The following MGMT variants were observed in gnomAD, a reference collection of about 807,000 sequenced individuals.
MGMT encodes methylated-DNA--protein-cysteine methyltransferase.
In MGMT, 14 loss-of-function variants were observed where a neutral mutation model predicts 15.9. The observed-to-expected ratio is 0.88, with a 90% CI of 0.58 to 1.37. The LOEUF is 1.37. Among genes scored for constraint, MGMT ranks in the 40% most tolerant of loss-of-function variants. The pLI is 0.00. For missense variants in MGMT, 282 were observed against 268.1 expected (o/e 1.05, Z -0.36); for synonymous variants, 130 against 118.2 (o/e 1.10, Z -0.65).
intron 1 of MGMT, among the ~76,000 whole-genome samples, chr10:129,516,211 T>C (rs558922095): frequency 6.6e-6 from 1 of 152,366 alleles, no homozygotes; most frequent in Non-Finnish European, 1.5e-5. Flanking sequence ...TTTCTGTCTT[T>C]GATGTCTGTA....
intron 2 of MGMT, among the ~76,000 whole-genome samples, chr10:129,644,373 G>A (rs1271033975): frequency 6.6e-6 from 1 of 152,252 alleles, no homozygotes; most frequent in African/African-American, 2.4e-5. Flanking sequence ...AGGGTGCTGG[G>A]TGGCCTCATG....
chr10:129,473,258 C>G (rs942372827), intron 1 of MGMT, among the ~76,000 whole-genome samples: 6 of 152,146 alleles, frequency 3.9e-5, no homozygotes, highest in Non-Finnish European at 7.4e-5. Context: ...TAAACTTGGT[C>G]AAAAATGGGA....
At chr10:129,604,194 G>A (rs574133901) in intron 2 of MGMT, among the ~76,000 whole-genome samples, 26 of 152,116 alleles carry the variant, frequency 1.7e-4, no homozygotes, top group Non-Finnish European at 3.2e-4. Flanking sequence ...TCTCTACGAC[G>A]CTCATCATCT....
At chr10:129,738,232 C>A (rs1848588346) in intron 3 of MGMT, among the ~76,000 whole-genome samples, 2 of 152,208 alleles carry the variant, frequency 1.3e-5, no homozygotes, top group Admixed American at 6.5e-5. Flanking sequence ...ACCCTCCAAG[C>A]CAGGTGCGGG....
At chr10:129,576,048 T>G (rs958053804) in intron 2 of MGMT, among the ~76,000 whole-genome samples, 5 of 152,134 alleles carry the variant, frequency 3.3e-5, no homozygotes, top group Non-Finnish European at 5.9e-5. Flanking sequence ...AATTAATAGC[T>G]TACCAACCAA....
chr10:129,537,297 C>CACA (rs1217287322), intron 2 of MGMT: 1 of 152,146 alleles, frequency 6.6e-6, no homozygotes, highest in African/African-American at 2.4e-5. Context: ...CCATAATGAG[C>CACA]ACAAGCGCAG....
intron 2 of MGMT, among the ~76,000 whole-genome samples, chr10:129,687,905 T>A (rs1046497363): frequency 6.6e-6 from 1 of 151,780 alleles, no homozygotes; most frequent in African/African-American, 2.4e-5. Flanking sequence ...TGTCCAAGTG[T>A]TCTCATTGTT....
chr10:129,672,380 A>T (rs897103480), intron 2 of MGMT, among the ~76,000 whole-genome samples: 1 of 152,194 alleles, frequency 6.6e-6, no homozygotes, highest in Non-Finnish European at 1.5e-5. Flanking sequence ...CTATAGCTCA[A>T]TGTCTTTCAA....
intron 3 of MGMT, among the ~76,000 whole-genome samples, chr10:129,723,934 T>A (rs1451635640): frequency 6.6e-6 from 1 of 152,188 alleles, no homozygotes; most frequent in Non-Finnish European, 1.5e-5. Flanking sequence ...GGTGTTAAAA[T>A]GTTGTAACCT....
intron 1 of MGMT, among the ~76,000 whole-genome samples, chr10:129,501,771 C>T (rs1029059481): frequency 3.9e-5 from 6 of 152,212 alleles, no homozygotes; most frequent in South Asian, 2.1e-4. Flanking sequence ...TGAAACAAAG[C>T]CTGAATTGAG....
chr10:129,659,204 A>T lies in MGMT; in HGVS notation c.126-48691A>T, dbSNP rs1180195437. ...AAACCCCATCTCTACTAAAAATACA[A>T]AACTTACCTGGGCATGGTGGTGCAC... On this transcript the variant is annotated intron_variant, in intron 2 of 4. Transcript: ENST00000651593. The surrounding 1 kb of genome is among the most constrained non-coding windows in gnomAD (Gnocchi z 4.1). 1.3e-5 allele frequency among the ~76,000 whole-genome samples: 2 copies of T among 152,034 alleles called. No homozygotes were observed. The highest frequency in any genetic ancestry group is 4.8e-5 in the African/African-American group (2 of 41,362).
At chr10:129,673,858 A>C (rs371525621) in intron 2 of MGMT, among the ~76,000 whole-genome samples, 1 of 152,208 alleles carries the variant, frequency 6.6e-6, no homozygotes. Flanking sequence ...GTGCGAAAAA[A>C]GTCTGCCTTT....
chr10:129,537,615 G>GAAAAC (rs923152557), intron 2 of MGMT, among the ~76,000 whole-genome samples: 3 of 152,032 alleles, frequency 2.0e-5, no homozygotes, highest in African/African-American at 4.8e-5. Flanking sequence ...GAAGAAAAAG[G>GAAAAC]AAAACAAAAC....
chr10:129,739,657 C>T (rs762126569), intron 3 of MGMT, among the ~76,000 whole-genome samples: 1 of 152,072 alleles, frequency 6.6e-6, no homozygotes, highest in Non-Finnish European at 1.5e-5. Context: ...AGAACCAGGT[C>T]AGAACCCCTA....
chr10:129,678,065 T>C (rs1455113262), intron 2 of MGMT, among the ~76,000 whole-genome samples: 2 of 151,918 alleles, frequency 1.3e-5, no homozygotes, highest in Non-Finnish European at 2.9e-5. Context: ...TTCATCATTG[T>C]CCAGAAACGC....
intron 2 of MGMT, among the ~76,000 whole-genome samples, chr10:129,679,674 T>G (rs1847825943): frequency 6.6e-6 from 1 of 152,202 alleles, no homozygotes; most frequent in African/African-American, 2.4e-5. Flanking sequence ...GCTCTACTTT[T>G]ATCCTTTAAT....
At chr10:129,491,133 T>A (rs1336598051) in intron 1 of MGMT, among the ~76,000 whole-genome samples, 4 of 152,110 alleles carry the variant, frequency 2.6e-5, no homozygotes, top group African/African-American at 4.8e-5. Context: ...TGCCTTCGTC[T>A]GGGGTGACTT....
intron 2 of MGMT, among the ~76,000 whole-genome samples, chr10:129,704,070 A>G (rs977850988): frequency 3.3e-5 from 5 of 152,130 alleles, no homozygotes; most frequent in African/African-American, 4.8e-5. Context: ...AGCAAAGTAC[A>G]TTACATATTT....
chr10:129,615,269 G>A (rs775376260), intron 2 of MGMT, among the ~76,000 whole-genome samples: 15 of 152,096 alleles, frequency 9.9e-5, no homozygotes, highest in South Asian at 6.2e-4. Context: ...AGCCCTTGCC[G>A]CCGCCTCCCC....
Sources: gnomAD v4.1 joint callset for allele counts (sites outside exome capture counted in the v4.1 genomes callset) on GRCh38, gnomAD v4.1.1 for gene constraint, Gnocchi (gnomAD v3.1) non-coding constraint, MANE v1.5 for transcripts, NCBI Gene and HGNC (gene_info 2026-07-23, HGNC 2026-07-21) for gene names.